ZZZ3: variants seen among roughly 807,000 people sequenced by gnomAD.
ZZZ3 encodes ZZ-type zinc finger-containing protein 3.
ZZZ3 carries 22 observed loss-of-function variants against 95.2 expected under a neutral mutation model. The ratio of observed to expected loss-of-function variants is 0.23; its 90% CI spans 0.17 to 0.33. The LOEUF (loss-of-function observed/expected upper bound fraction) is 0.33. ZZZ3 is among the 10% of genes least tolerant of loss of function. The pLI, the probability that ZZZ3 is intolerant of heterozygous loss-of-function variation, is 1.00. For synonymous variants in ZZZ3, 335 were observed against 358.9 expected, an observed-to-expected ratio of 0.93 and a Z score of 0.75; for missense variants, 885 against 1,066.5, an observed-to-expected ratio of 0.83 and a Z score of 2.37.
chr1:77,626,914 A>G (rs1667391770), intron 5 of ZZZ3, among the ~76,000 whole-genome samples: 1 of 152,240 alleles, frequency 6.6e-6, no homozygotes, highest in Non-Finnish European at 1.5e-5. Flanking sequence ...GTTCTTTAAA[A>G]TAATGAACAT....
In ZZZ3 at chr1:77,678,841, T is replaced by C. The variant is rs1672499288; in HGVS notation, c.-403+3744A>G. Among the ~76,000 whole-genome samples the C allele has an allele frequency of 3.3e-5, 5 of 152,332 alleles. No homozygotes were observed. In the South Asian group the frequency reaches 1.0e-3, roughly 32 times the overall value. On this transcript the variant is annotated intron_variant, in intron 1 of 14. Transcript: ENST00000370801. ...TTAGAGATTTTTTTATGTCCAGGAT[T>C]GCTGTTATGTTTCAAATGGCTGAGG...
intron 4 of ZZZ3, among the ~76,000 whole-genome samples, chr1:77,635,450 G>A (rs909060755): frequency 6.6e-6 from 1 of 152,084 alleles, no homozygotes; most frequent in Non-Finnish European, 1.5e-5. Context: ...CATTGTTTGG[G>A]GGATTCATTA....
chr1:77,633,393 C>T lies in ZZZ3; in HGVS notation c.-39G>A. On this transcript the variant is annotated 5_prime_UTR_variant, in exon 5 of 15. The change creates a new upstream start codon in the 5' untranslated region. Transcript: ENST00000370801. ...CCTACAATACGGTCATCATGATCCACTCATTGGGAAACCTTCAAAAATGTA... is the reference window on the plus strand; with the variant it reads ...CCTACAATACGGTCATCATGATCCATTCATTGGGAAACCTTCAAAAATGTA... 6.5e-7 allele frequency: 1 copy of T among 1,532,238 alleles called. No individual in the cohort carries two copies. The highest frequency in any genetic ancestry group is 1.8e-4 in the Middle Eastern group (1 of 5,684). 94.9% of individuals were successfully genotyped at this position (1,532,238 alleles called of 1,614,324 possible). A position where few individuals can be genotyped will look rare whatever the true frequency, so the allele number is the denominator to read the frequency against.
intron 5 of ZZZ3, among the ~76,000 whole-genome samples, chr1:77,622,283 G>A (rs1666948990): frequency 6.6e-6 from 1 of 151,478 alleles, no homozygotes; most frequent in African/African-American, 2.4e-5. Context: ...CTACAACCTG[G>A]GTGACAGAGT....
chr1:77,633,092 A>G lies in ZZZ3; in HGVS notation c.263T>C (p.Leu88Pro). Residue 88 changes from leucine (L) to proline (P), a missense_variant, in exon 5 of 15, where the codon CTT (leucine) becomes CCT (proline). Transcript: ENST00000370801. Reference protein sequence around the residue: ...ESWVSPRKRGLSSSEKDNIER... With the variant: ...ESWVSPRKRGPSSSEKDNIER... ...TATGTTATCCTTTTCTGAAGAAGAAAGTCCTCTTTTCCTAGGGCTTACCCA... is the reference window on the plus strand; with the variant it reads ...TATGTTATCCTTTTCTGAAGAAGAAGGTCCTCTTTTCCTAGGGCTTACCCA... 6.2e-7 allele frequency: 1 copy of G among 1,613,964 alleles called. No individual in the cohort carries two copies. Among genetic ancestry groups the G allele is most frequent in the South Asian group, 1.1e-5 (1 of 91,080 alleles).
intron 1 of ZZZ3, among the ~76,000 whole-genome samples, chr1:77,660,979 CAAATTCCTAATTTACTCTA>C (rs1257828670): frequency 6.6e-6 from 1 of 151,162 alleles, no homozygotes; most frequent in Admixed American, 6.6e-5. Context: ...ACTTCAAACC[CAAATTCCTAATTTACTCTA>C]AGTGCATTTG....
intron 12 of ZZZ3, among the ~76,000 whole-genome samples, chr1:77,569,148 C>A (rs1367021572): frequency 1.3e-5 from 2 of 152,164 alleles, no homozygotes; most frequent in Non-Finnish European, 2.9e-5. Flanking sequence ...ACCAGCCTAG[C>A]CAACATGGCA....
At chr1:77,680,314 T>C (rs1274993602) in intron 1 of ZZZ3, among the ~76,000 whole-genome samples, 1 of 152,236 alleles carries the variant, frequency 6.6e-6, no homozygotes, top group Non-Finnish European at 1.5e-5. Flanking sequence ...CTCCAACTAT[T>C]ATGAGCCTGA....
In ZZZ3 at chr1:77,641,479, C is replaced by T. The variant is rs1668771716; in HGVS notation, c.-268-33G>A. 3 of 397,868 alleles carry T rather than the reference C, an allele frequency of 7.5e-6. No homozygotes were observed. The South Asian group carries it at 3.8e-4, about 51-fold the overall frequency. The allele number at this position is 397,868 out of a possible 1,614,324, so 24.6% of individuals were successfully genotyped here. ...AGAAACTTCAATCAATTACTTCTAA[C>T]TAAACCCCACATGGCCTTAATTAAG... On this transcript the variant is annotated intron_variant, in intron 2 of 14. Coordinates refer to ENST00000370801, the MANE Select transcript of ZZZ3 (RefSeq NM_015534.6).
intron 3 of ZZZ3, 171 bp downstream of exon 3, chr1:77,641,213 T>C (rs978137064): frequency 1.9e-5 from 4 of 206,326 alleles, no homozygotes; most frequent in African/African-American, 9.1e-5. Flanking sequence ...ATCTACAACT[T>C]AAAGTATATC....
intron 1 of ZZZ3, among the ~76,000 whole-genome samples, chr1:77,678,235 A>G (rs1178958547): frequency 6.6e-6 from 1 of 152,212 alleles, no homozygotes; most frequent in African/African-American, 2.4e-5. Context: ...ACTGATATCA[A>G]ATATTAAATG....
intron 5 of ZZZ3, among the ~76,000 whole-genome samples, chr1:77,629,330 G>A (rs1031687830): frequency 8.5e-5 from 13 of 152,106 alleles, no homozygotes; most frequent in African/African-American, 1.7e-4. Flanking sequence ...TCAAAAGTGC[G>A]ATCCTAGCCA....
At chr1:77,649,865 C>T (rs568395304) in intron 1 of ZZZ3, among the ~76,000 whole-genome samples, 1 of 150,750 alleles carries the variant, frequency 6.6e-6, no homozygotes, top group Non-Finnish European at 1.5e-5. Flanking sequence ...GAGAACAAAA[C>T]TCCATCTCAA....
chr1:77,658,727 G>T lies in ZZZ3; in HGVS notation c.-402-17072C>A, dbSNP rs189315414. The stretch of plus-strand genomic sequence containing the variant: ...TTTATAATTTGACCATTTCCATTCT[G>T]TTAGGACATTTAAGCTGCTTCTGAT... On this transcript the variant is annotated intron_variant, in intron 1 of 14. Transcript: ENST00000370801. Among the ~76,000 whole-genome samples, 5 of 152,162 alleles carry T rather than the reference G, an allele frequency of 3.3e-5. No individual in the cohort carries two copies. The East Asian group carries it at 9.7e-4, about 29-fold the overall frequency.
At chr1:77,636,083 T>A (rs1019008066) in intron 4 of ZZZ3, among the ~76,000 whole-genome samples, 1 of 152,194 alleles carries the variant, frequency 6.6e-6, no homozygotes, top group African/African-American at 2.4e-5. Context: ...CTAAAATGCC[T>A]ACAAAATCTA....
intron 5 of ZZZ3, among the ~76,000 whole-genome samples, chr1:77,621,516 T>TAA (rs568033576): frequency 3.3e-5 from 4 of 123,046 alleles, no homozygotes; most frequent in Non-Finnish European, 5.2e-5. Context: ...AAATTTAAGT[T>TAA]AAAAAAAAAA....
intron 1 of ZZZ3, among the ~76,000 whole-genome samples, chr1:77,652,142 A>C (rs1306676497): frequency 1.3e-5 from 2 of 152,178 alleles, no homozygotes; most frequent in Middle Eastern, 3.2e-3. Context: ...GGATCATCAA[A>C]ATTAAAACCT....
chr1:77,627,247 G>A (rs1667416465), intron 5 of ZZZ3, among the ~76,000 whole-genome samples: 1 of 152,112 alleles, frequency 6.6e-6, no homozygotes, highest in African/African-American at 2.4e-5. Flanking sequence ...TTAGGAAATG[G>A]GGACTGTATA....
chr1:77,610,457 T>C (rs1665680340), intron 5 of ZZZ3, among the ~76,000 whole-genome samples: 1 of 151,960 alleles, frequency 6.6e-6, no homozygotes, highest in Non-Finnish European at 1.5e-5. Context: ...TACTTCTAAA[T>C]TCATTATATG....
Sources: allele counts gnomAD v4.1 joint callset (sites outside exome capture counted in the v4.1 genomes callset), GRCh38; gene constraint gnomAD v4.1.1; transcripts MANE v1.5; gene names NCBI Gene and HGNC (gene_info 2026-07-23, HGNC 2026-07-21).